RNF216: variants seen among roughly 807,000 people sequenced by gnomAD.
RNF216 encodes the protein ring finger protein 216.
In RNF216, 72 loss-of-function variants were observed where a neutral mutation model predicts 110.8. That is an observed-to-expected ratio of 0.65 (90% CI 0.54 to 0.79). RNF216 has a LOEUF of 0.79. Among genes scored for constraint, RNF216 ranks in the 30% least tolerant of loss-of-function variants. The pLI is 0.00. For missense variants in RNF216, 1,342 were observed against 1,141.2 expected, an observed-to-expected ratio of 1.18 and a Z score of -2.54; for synonymous variants, 495 against 407.5, an observed-to-expected ratio of 1.21 and a Z score of -2.59.
At chr7:5,692,489 G>A (rs1412341461) in intron 13 of RNF216, among the ~76,000 whole-genome samples, 4 of 152,242 alleles carry the variant, frequency 2.6e-5, no homozygotes, top group African/African-American at 7.2e-5. Flanking sequence ...ACTAATTCCC[G>A]CGGGGCCCTG....
chr7:5,678,134 A>G (rs1383980842), intron 13 of RNF216, among the ~76,000 whole-genome samples: 1 of 152,158 alleles, frequency 6.6e-6, no homozygotes, highest in Admixed American at 6.5e-5. Flanking sequence ...CCCCGGCTAC[A>G]TAAATTTGCC....
intron 13 of RNF216, among the ~76,000 whole-genome samples, chr7:5,675,358 A>G (rs889617089): frequency 6.6e-6 from 1 of 152,170 alleles, no homozygotes; most frequent in African/African-American, 2.4e-5. Flanking sequence ...TGACTTTGGC[A>G]TGGTGTAGTG....
rs996137713 is a variant in RNF216, at chr7:5,721,100, C to T, written c.1577G>A (p.Arg526His). 13 of 1,613,698 alleles carry T rather than the reference C, an allele frequency of 8.1e-6. No individual in the cohort carries two copies. Among genetic ancestry groups the T allele is most frequent in the Non-Finnish European group, 1.0e-5 (12 of 1,179,734 alleles). ...KRRHCRSYDRRALLPAVQQEQ... is the reference protein window; with the variant it reads ...KRRHCRSYDRHALLPAVQQEQ... ...TTGTTGCACAGCTGGAAGGAGAGCA[C>T]GTCGGTCATAGGACCTACAATGTCG... Residue 526 changes from arginine (R) to histidine (H), a missense_variant, in exon 9 of 17, where the codon CGT becomes CAT. Transcript: ENST00000389902.
intron 15 of RNF216, among the ~76,000 whole-genome samples, chr7:5,640,851 C>T (rs1787692608): frequency 6.6e-6 from 1 of 152,216 alleles, no homozygotes; most frequent in Admixed American, 6.5e-5. Flanking sequence ...GTTATGCTGG[C>T]TTTGAACAGA....
rs1183440940 is a variant in RNF216, at chr7:5,626,644, C to A, written c.2383-2519G>T. Among the ~76,000 whole-genome samples the A allele has an allele frequency of 2.0e-5, 3 of 151,476 alleles. No individual in the cohort carries two copies. In the South Asian group the frequency reaches 6.3e-4, roughly 32 times the overall value. On this transcript the variant is annotated intron_variant, in intron 15 of 16. Transcript: ENST00000389902. ...CGTGCTACTGCACTCCACCCTCCAC[C>A]CTGGGCGACAGAGTGAAACTTGTGT...
intron 5 of RNF216, among the ~76,000 whole-genome samples, chr7:5,732,580 T>C (rs1451099802): frequency 6.6e-6 from 1 of 152,246 alleles, no homozygotes; most frequent in African/African-American, 2.4e-5. Context: ...AAGCTCTCAC[T>C]ATAAACTGTC....
intron 3 of RNF216, among the ~76,000 whole-genome samples, chr7:5,750,892 T>G (rs572033861): frequency 6.6e-6 from 1 of 151,566 alleles, no homozygotes; most frequent in African/African-American, 2.4e-5. Flanking sequence ...GATTACCTAC[T>G]AACTCAACAG....
At chr7:5,626,753 A>G (rs915456048) in intron 15 of RNF216, among the ~76,000 whole-genome samples, 5 of 152,086 alleles carry the variant, frequency 3.3e-5, no homozygotes, top group African/African-American at 1.2e-4. Flanking sequence ...TAGCTAAGTG[A>G]GCTCGGCAGG....
At chr7:5,703,994 CA>C (rs1207160268) in intron 13 of RNF216, among the ~76,000 whole-genome samples, 2 of 152,208 alleles carry the variant, frequency 1.3e-5, no homozygotes, top group African/African-American at 4.8e-5. Flanking sequence ...AGTCTCACAC[CA>C]AACACACCCA....
At chr7:5,698,806 T>A (rs1442641918) in intron 13 of RNF216, among the ~76,000 whole-genome samples, 1 of 152,102 alleles carries the variant, frequency 6.6e-6, no homozygotes, top group Admixed American at 6.6e-5. Flanking sequence ...CAGGAAACCT[T>A]CCCTCCTCTA....
intron 8 of RNF216, 120 bp from the exon 9 acceptor site, chr7:5,721,292 C>A: frequency 1.1e-6 from 1 of 871,948 alleles, no homozygotes; most frequent in Non-Finnish European, 1.8e-6. Context: ...CGTTTCATGA[C>A]TTTTCTATCA....
chr7:5,715,538 G>A (rs538317208), intron 10 of RNF216, among the ~76,000 whole-genome samples: 139 of 152,224 alleles, frequency 9.1e-4, no homozygotes, highest in African/African-American at 3.3e-3. Context: ...AGGATAAGGA[G>A]TATGAGAGAT....
intron 7 of RNF216, among the ~76,000 whole-genome samples, 157 bp downstream of exon 7, chr7:5,729,275 T>C (rs1793943060): frequency 6.6e-6 from 1 of 152,202 alleles, no homozygotes; most frequent in African/African-American, 2.4e-5. Flanking sequence ...ATTTAGTCCG[T>C]CACGATGAGC....
intron 9 of RNF216, among the ~76,000 whole-genome samples, chr7:5,720,716 T>C (rs1793366677): frequency 6.6e-6 from 1 of 152,100 alleles, no homozygotes; most frequent in Non-Finnish European, 1.5e-5. Flanking sequence ...AACCAATATA[T>C]ACATTCCAGC....
intron 13 of RNF216, among the ~76,000 whole-genome samples, chr7:5,687,394 C>CAAAAAAAAAAAAAAAAAAAAAAA (rs372177142): frequency 6.0e-5 from 3 of 49,894 alleles, no homozygotes; most frequent in African/African-American, 1.2e-4. Context: ...AACTCCACCT[C>CAAAAAAAAAAAAAAAAAAAAAAA]AAAAAAAAAA....
chr7:5,688,474 G>A (rs1363803121), intron 13 of RNF216, among the ~76,000 whole-genome samples: 1 of 152,178 alleles, frequency 6.6e-6, no homozygotes, highest in African/African-American at 2.4e-5. Context: ...CATACTGAAT[G>A]TGCTAAGAAA....
At chr7:5,737,867 A>ATCATGAGGTCAGGGTT (rs1156881484) in intron 5 of RNF216, among the ~76,000 whole-genome samples, 6 of 152,094 alleles carry the variant, frequency 3.9e-5, no homozygotes, top group Non-Finnish European at 8.8e-5. Flanking sequence ...AGGTGAGCAG[A>ATCATGAGGTCAGGGTT]TCATGAGGTC....
chr7:5,691,647 A>G (rs1467613329), intron 13 of RNF216, among the ~76,000 whole-genome samples: 1 of 152,238 alleles, frequency 6.6e-6, no homozygotes, highest in Non-Finnish European at 1.5e-5. Context: ...ACAACTTCTT[A>G]GCGTCCTCAA....
At chr7:5,628,184 C>T (rs1384471247) in intron 15 of RNF216, among the ~76,000 whole-genome samples, 1 of 152,172 alleles carries the variant, frequency 6.6e-6, no homozygotes, top group Non-Finnish European at 1.5e-5. Context: ...CCTCCCTCTG[C>T]TCTGATCACT....
Sources: gnomAD v4.1 joint callset for allele counts (sites outside exome capture counted in the v4.1 genomes callset) on GRCh38, gnomAD v4.1.1 for gene constraint, MANE v1.5 for transcripts, NCBI Gene and HGNC (gene_info 2026-07-23, HGNC 2026-07-21) for gene names.